XPR1: variants seen among roughly 807,000 people sequenced by gnomAD.
The protein encoded by XPR1 is solute carrier family 53 member 1.
XPR1 carries 28 observed loss-of-function variants against 87.5 expected under a neutral mutation model. The observed-to-expected ratio is 0.32, with a 90% CI of 0.24 to 0.44. The LOEUF (loss-of-function observed/expected upper bound fraction) is 0.44. Among genes scored for constraint, XPR1 ranks in the 20% least tolerant of loss-of-function variants. The probability of loss-of-function intolerance (pLI) is 1.00; values close to 1 mark genes in which losing one functional copy is unlikely to be tolerated. For synonymous variants in XPR1, 300 were observed against 306.1 expected (o/e 0.98, Z 0.21); for missense variants, 559 against 862.3 (o/e 0.65, Z 4.41).
At chr1:180,673,163 C>T (rs890884529) in intron 1 of XPR1, among the ~76,000 whole-genome samples, 11 of 151,802 alleles carry the variant, frequency 7.2e-5, no homozygotes, top group African/African-American at 2.4e-4. Context: ...TTTGTGAAAC[C>T]CATTTGTGCC....
At chr1:180,675,756 G>T (rs6693245) in intron 1 of XPR1, among the ~76,000 whole-genome samples, 6,544 of 152,186 alleles carry the variant, frequency 0.043, 503 homozygotes, top group African/African-American at 0.15. Context: ...TTGGATGTAT[G>T]GCTCCCAACC....
At chr1:180,714,290 A>G (rs1348463696) in intron 2 of XPR1, among the ~76,000 whole-genome samples, 1 of 150,896 alleles carries the variant, frequency 6.6e-6, no homozygotes, top group Non-Finnish European at 1.5e-5. Flanking sequence ...CTGGTTAGAG[A>G]TCTATCAATT....
intron 1 of XPR1, among the ~76,000 whole-genome samples, chr1:180,643,538 T>C (rs1655022195): frequency 6.6e-6 from 1 of 152,202 alleles, no homozygotes; most frequent in Admixed American, 6.5e-5. Flanking sequence ...TTGTCACATT[T>C]AGCAACTCAC....
chr1:180,821,776 T>C (rs149355138), intron 7 of XPR1, among the ~76,000 whole-genome samples: 1 of 152,348 alleles, frequency 6.6e-6, no homozygotes, highest in Non-Finnish European at 1.5e-5. Flanking sequence ...TCTAGATGTT[T>C]TATTCTTTTG....
chr1:180,884,958 A>G lies in XPR1; in HGVS notation c.*892A>G, dbSNP rs1652965439. On this transcript the variant is annotated 3_prime_UTR_variant, in exon 15 of 15. Transcript: ENST00000367590. ...AACAAGGAATCCCACACTTCACACCACCGGCTGAATTTCATGGAAGAGGTT... is the reference window on the plus strand; with the variant it reads ...AACAAGGAATCCCACACTTCACACCGCCGGCTGAATTTCATGGAAGAGGTT... The G allele has an allele frequency of 6.6e-6, 1 of 152,254 alleles. No individual in the cohort carries two copies. Among genetic ancestry groups the G allele is most frequent in the African/African-American group, 2.4e-5 (1 of 41,440 alleles). The allele number at this position is 152,254 out of a possible 1,614,324, so 9.4% of individuals were successfully genotyped here. A position where few individuals can be genotyped will look rare whatever the true frequency, so the allele number is the denominator to read the frequency against.
At chr1:180,745,196 C>T (rs73034888) in intron 2 of XPR1, among the ~76,000 whole-genome samples, 6,557 of 152,228 alleles carry the variant, frequency 0.043, 507 homozygotes, top group African/African-American at 0.15. Flanking sequence ...TGTGCATTCT[C>T]CTTGATAGTT....
chr1:180,841,977 A>G (rs1310009071), intron 11 of XPR1, among the ~76,000 whole-genome samples: 1 of 152,182 alleles, frequency 6.6e-6, no homozygotes, highest in African/African-American at 2.4e-5. Context: ...TGGGAAAAAT[A>G]AAAACATCAA....
intron 3 of XPR1, among the ~76,000 whole-genome samples, chr1:180,797,664 T>A (rs1649636358): frequency 6.6e-6 from 1 of 152,226 alleles, no homozygotes; most frequent in Non-Finnish European, 1.5e-5. Context: ...TTCTGGCTAG[T>A]TTACCTGCAG....
At chr1:180,811,579 C>A in intron 7 of XPR1, 91 bp downstream of exon 7, 2 of 967,578 alleles carry the variant, frequency 2.1e-6, no homozygotes. Flanking sequence ...ATGCAACTAC[C>A]AAAGCTACTG....
intron 2 of XPR1, among the ~76,000 whole-genome samples, chr1:180,710,200 T>G (rs567207946): frequency 1.3e-5 from 2 of 149,994 alleles, no homozygotes; most frequent in African/African-American, 5.0e-5. Flanking sequence ...CCTGTTTAAT[T>G]TAGTTTTTTT....
chr1:180,702,497 T>C (rs1657378716), intron 2 of XPR1, among the ~76,000 whole-genome samples: 2 of 152,138 alleles, frequency 1.3e-5, no homozygotes, highest in Non-Finnish European at 2.9e-5. Flanking sequence ...TCTTTATTTT[T>C]TTTTGTACTG....
chr1:180,727,928 G>T (rs564129680), intron 2 of XPR1, among the ~76,000 whole-genome samples: 1 of 152,246 alleles, frequency 6.6e-6, no homozygotes, highest in South Asian at 2.1e-4. Context: ...CTTGATTTTG[G>T]TCGGCTTCTT....
intron 2 of XPR1, among the ~76,000 whole-genome samples, chr1:180,761,913 C>T (rs1295896585): frequency 6.6e-6 from 1 of 152,064 alleles, no homozygotes; most frequent in Non-Finnish European, 1.5e-5. Flanking sequence ...AAATGTGGCA[C>T]AGATACACCA....
chr1:180,790,073 A>G (rs78587688), intron 3 of XPR1, among the ~76,000 whole-genome samples: 3 of 152,140 alleles, frequency 2.0e-5, no homozygotes, highest in African/African-American at 7.2e-5. Context: ...AAATAAAAAT[A>G]AAGGCCATCA....
chr1:180,806,880 C>T (rs1469856134), intron 6 of XPR1, among the ~76,000 whole-genome samples: 1 of 148,044 alleles, frequency 6.8e-6, no homozygotes, highest in East Asian at 2.0e-4. Context: ...ATATAGCTTA[C>T]TCCAAAAAAG....
At chr1:180,831,636 A>G (rs955269512) in intron 9 of XPR1, among the ~76,000 whole-genome samples, 17 of 147,430 alleles carry the variant, frequency 1.2e-4, no homozygotes, top group African/African-American at 4.3e-4. Flanking sequence ...TATGAGTGAG[A>G]ACATGCGGTG....
rs770326903 is a variant in XPR1, at chr1:180,803,447, C to G, written c.283C>G (p.Leu95Val). The change falls in exon 4 of 15, where the codon CTG becomes GTG. Residue 95 changes from leucine (L) to valine (V), a missense_variant. This residue lies in a region of XPR1 where 159 missense variants were observed against 263.3 expected (regional missense o/e 0.60). Transcript: ENST00000367590. The part of the protein sequence containing the change: ...ATLQNELQSS[L>V]DAQKESTGVT... ...ACTTCAGAATGAGCTTCAGTCATCA[C>G]TGGATGCACAGAAAGAAAGCACTGG... The G allele has an allele frequency of 6.2e-7, 1 of 1,614,086 alleles. No individual in the cohort carries two copies.
At position 180,645,381 on chromosome 1, in the gene XPR1, C is replaced by T. The variant is rs371045330; in HGVS notation, c.69+13111C>T. On this transcript the variant is annotated intron_variant, in intron 1 of 14. Transcript: ENST00000367590. ...AATGTTTGAAACATGTCAGAAATCT[C>T]AGTGTTCACTTGTCGCTCCCATAAT... Among the ~76,000 whole-genome samples, 60 of 152,334 alleles carry T rather than the reference C, an allele frequency of 3.9e-4. No individual in the cohort carries two copies. In the East Asian group the frequency reaches 7.3e-3, roughly 19 times the overall value.
At chr1:180,677,807 G>A (rs1656417519) in intron 1 of XPR1, among the ~76,000 whole-genome samples, 1 of 152,174 alleles carries the variant, frequency 6.6e-6, no homozygotes, top group Admixed American at 6.5e-5. Flanking sequence ...TATAAACTAC[G>A]TTCCTCCCAA....
Sources: gnomAD v4.1 joint callset for allele counts (sites outside exome capture counted in the v4.1 genomes callset) on GRCh38, gnomAD v4.1.1 for gene constraint, gnomAD v4.1.1 regional missense constraint, MANE v1.5 for transcripts, NCBI Gene and HGNC (gene_info 2026-07-23, HGNC 2026-07-21) for gene names.